The following PCLO variants were observed in gnomAD, a reference collection of about 807,000 sequenced individuals.
PCLO encodes protein piccolo.
PCLO carries 82 observed loss-of-function variants against 427.5 expected under a neutral mutation model. The ratio of observed to expected loss-of-function variants is 0.19; its 90% confidence interval spans 0.16 to 0.23. PCLO has a LOEUF of 0.23. Ranked by LOEUF, PCLO falls within the 10% of genes least tolerant of loss-of-function variation. PCLO has a pLI of 1.00. For missense variants in PCLO, 6,239 were observed against 6,115.9 expected, an observed-to-expected ratio of 1.02 and a Z score of -0.67; for synonymous variants, 2,357 against 2,155.4, an observed-to-expected ratio of 1.09 and a Z score of -2.59.
chr7:83,089,089 C>T (rs1279034666), intron 3 of PCLO, among the ~76,000 whole-genome samples: 1 of 152,062 alleles, frequency 6.6e-6, no homozygotes, highest in African/African-American at 2.4e-5. Flanking sequence ...TAAAATTCTA[C>T]AACCAAAATT....
chr7:82,981,297 T>C (rs543211378), intron 3 of PCLO, among the ~76,000 whole-genome samples: 35 of 149,616 alleles, frequency 2.3e-4, no homozygotes, highest in African/African-American at 7.3e-4. Context: ...AGGCCAGAGT[T>C]AGAGGTAGAA....
At chr7:82,824,461 A>G (rs747809057) in intron 18 of PCLO, 45 bp from the exon 19 acceptor site, 1 of 1,227,762 alleles carries the variant, frequency 8.1e-7, no homozygotes, top group South Asian at 1.4e-5. Flanking sequence ...GGACTAAAGT[A>G]TAATTGATTC....
In PCLO at chr7:82,915,688, A is replaced by G; in HGVS notation, c.12298T>C (p.Ser4100Pro). 3 of 1,612,882 alleles carry G rather than the reference A, an allele frequency of 1.9e-6. No homozygotes were observed. The highest frequency in any genetic ancestry group is 2.5e-6 in the Non-Finnish European group (3 of 1,179,442). The stretch of plus-strand genomic sequence containing the variant: ...ACATAACTATGCAATCTAGAGGAAG[A>G]CTGTAAAGGTGCTAGGAAATCTGTC... ...EVTDFLAPLQ[S>P]SSRLHSYVKA... Residue 4100 changes from serine (S) to proline (P), a missense_variant, in exon 7 of 25, where the codon TCT becomes CCT. Ser to Pro is a moderately conservative substitution (Grantham distance 74). Around this residue, in one of 5 missense-constraint regions of PCLO, gnomAD observed 680 missense variants for 677.3 expected, o/e 1.00. Transcript: ENST00000333891.
At position 82,845,314 on chromosome 7, in the gene PCLO, G is replaced by C. The variant is rs377347584; in HGVS notation, c.14003C>G (p.Pro4668Arg). The C allele has an allele frequency of 6.2e-7, 1 of 1,613,512 alleles. No individual in the cohort carries two copies. Among genetic ancestry groups the C allele is most frequent in the Non-Finnish European group, 8.5e-7 (1 of 1,179,648 alleles). Reference sequence around the variant, plus strand: ...CTTTTTGCTCACTGAGGGGGACCCTGGTTGCCCAGGGCTGGGAACGGAACT... The same window carrying C: ...CTTTTTGCTCACTGAGGGGGACCCTCGTTGCCCAGGGCTGGGAACGGAACT... ...GSSSVPSPGQ[P>R]GSPSVSKKKH... is the part of the protein sequence containing the mutation. The change falls in exon 13 of 25, where the codon CCA becomes CGA. Residue 4668 changes from proline to arginine, a missense_variant. Transcript: ENST00000333891.
chr7:82,773,665 A>G (rs1037878969), intron 22 of PCLO, among the ~76,000 whole-genome samples: 4 of 150,486 alleles, frequency 2.7e-5, no homozygotes, highest in African/African-American at 1.0e-4. Flanking sequence ...GTCATGCTAG[A>G]TGAAAGAGCA....
At chr7:83,144,693 T>G (rs1791949902) in intron 2 of PCLO, among the ~76,000 whole-genome samples, 1 of 152,184 alleles carries the variant, frequency 6.6e-6, no homozygotes, top group Non-Finnish European at 1.5e-5. Flanking sequence ...TCATTGTCAT[T>G]TATTTCCTTC....
intron 3 of PCLO, among the ~76,000 whole-genome samples, chr7:83,027,917 T>TA (rs1788549218): frequency 7.5e-6 from 1 of 134,044 alleles, no homozygotes; most frequent in Non-Finnish European, 1.6e-5. Context: ...CCCTTCATGC[T>TA]AAAAACTCTC....
At chr7:82,842,320 G>A (rs1301632810) in intron 13 of PCLO, among the ~76,000 whole-genome samples, 3 of 151,972 alleles carry the variant, frequency 2.0e-5, no homozygotes, top group Admixed American at 2.0e-4. Flanking sequence ...AATGGTACCA[G>A]GAAAATTGGA....
intron 24 of PCLO, 101 bp downstream of exon 24, chr7:82,760,538 C>A: frequency 2.9e-6 from 2 of 690,262 alleles, no homozygotes; most frequent in South Asian, 7.4e-5. Flanking sequence ...TCTCAAATGT[C>A]ATATAGTGTA....
At position 82,914,775 on chromosome 7, in the gene PCLO, T is replaced by A; in HGVS notation, c.13211A>T (p.His4404Leu). The change falls in exon 7 of 25, where the codon CAC (histidine) becomes CTC (leucine). Residue 4404 changes from histidine (H) to leucine (L), a missense_variant. His to Leu is a moderately conservative substitution (Grantham distance 99). Transcript: ENST00000333891. ...SSHSLPEVQQ[H>L]MREESRTRGY... Reference sequence around the variant, plus strand: ...TCGAGTCCGTGATTCTTCCCTCATGTGTTGCTGAACTTCAGGCAATGAGTG... The same window carrying A: ...TCGAGTCCGTGATTCTTCCCTCATGAGTTGCTGAACTTCAGGCAATGAGTG... 6.2e-7 allele frequency: 1 copy of A among 1,613,486 alleles called. No individual in the cohort carries two copies. Among genetic ancestry groups the A allele is most frequent in the African/African-American group, 1.3e-5 (1 of 75,036 alleles).
Position 83,107,416 on chromosome 7 carries a change from A to T in PCLO, c.3300+26834T>A, listed in dbSNP as rs80012353. On this transcript the variant is annotated intron_variant, in intron 3 of 24. Coordinates refer to ENST00000333891, the MANE Select transcript of PCLO (RefSeq NM_033026.6). ...TGTCAAATGTACAAACTACAATAAC[A>T]TTTGCTTTCTTAGGCCTTAGCTGAG... Among the ~76,000 whole-genome samples the T allele has an allele frequency of 3.4e-3, 515 of 152,166 alleles. 15 individuals carry two copies. The East Asian group carries it at 0.062, about 18-fold the overall frequency.
chr7:82,969,478 A>G (rs949395101), intron 3 of PCLO, among the ~76,000 whole-genome samples: 1 of 151,992 alleles, frequency 6.6e-6, no homozygotes, highest in African/African-American at 2.4e-5. Context: ...AATAATTGCT[A>G]TTTTGCAATT....
In PCLO at chr7:82,760,777, A is replaced by G. The variant is rs1164021267; in HGVS notation, c.15150T>C (p.Tyr5050=). 7 of 1,442,516 alleles carry G rather than the reference A, an allele frequency of 4.9e-6. No homozygotes were observed. Among genetic ancestry groups the G allele is most frequent in the Non-Finnish European group, 6.7e-6 (7 of 1,046,346 alleles). 89.4% of individuals were successfully genotyped at this position (1,442,516 alleles called of 1,614,324 possible). A position where few individuals can be genotyped will look rare whatever the true frequency, so the allele number is the denominator to read the frequency against. The change falls in exon 24 of 25, where the codon TAT becomes TAC. Residue 5050 remains tyrosine (Y), a synonymous_variant. Coordinates refer to ENST00000333891, the MANE Select transcript of PCLO (RefSeq NM_033026.6). ...AAATATTCATCACATATATTTTCACATATAAATCTGAAAATAAGAATTCAG... is the reference window on the plus strand; with the variant it reads ...AAATATTCATCACATATATTTTCACGTATAAATCTGAAAATAAGAATTCAG... ...FKSPDHLPDL[Y]VKIYVMNIST...
intron 22 of PCLO, among the ~76,000 whole-genome samples, chr7:82,770,109 T>C (rs1790618298): frequency 6.6e-6 from 1 of 152,096 alleles, no homozygotes; most frequent in Non-Finnish European, 1.5e-5. Context: ...GTTTCTATTC[T>C]ACCAGTTTCA....
At position 82,879,429 on chromosome 7, in the gene PCLO, T is replaced by C; in HGVS notation, c.13562A>G (p.Lys4521Arg). 6.2e-7 allele frequency: 1 copy of C among 1,606,312 alleles called. No individual in the cohort carries two copies. The highest frequency in any genetic ancestry group is 8.5e-7 in the Non-Finnish European group (1 of 1,174,114). ...TTCTCCACTATGTCCCGGGATTTCT[T>C]TACCACCCACAATTCTAATTCCTAA... ...NGLGIRIVGG[K>R]EIPGHSGEIG... The change falls in exon 10 of 25, where the codon AAA (lysine) becomes AGA (arginine). Residue 4521 changes from lysine (K) to arginine (R), a missense_variant. Lys to Arg is a conservative substitution (Grantham distance 26). Transcript: ENST00000333891.
chr7:83,156,430 A>T (rs762660553), intron 1 of PCLO, 38 bp from the exon 2 acceptor site: 1 of 1,220,920 alleles, frequency 8.2e-7, no homozygotes, highest in South Asian at 1.6e-5. Flanking sequence ...ATCAAGTGAA[A>T]ATAATGGAAA....
chr7:82,929,339 G>A (rs1001374498), intron 6 of PCLO, among the ~76,000 whole-genome samples: 2 of 152,070 alleles, frequency 1.3e-5, no homozygotes, highest in Admixed American at 1.3e-4. Flanking sequence ...TTCAGATACT[G>A]AAATATAGAG....
chr7:82,772,683 A>G (rs1790671424), intron 22 of PCLO, among the ~76,000 whole-genome samples: 1 of 152,144 alleles, frequency 6.6e-6, no homozygotes, highest in African/African-American at 2.4e-5. Context: ...AGATAAAGCC[A>G]GAAAGAACAC....
chr7:83,072,985 C>T (rs1789857728), intron 3 of PCLO, among the ~76,000 whole-genome samples: 1 of 151,916 alleles, frequency 6.6e-6, no homozygotes, highest in African/African-American at 2.4e-5. Flanking sequence ...TCTCCCTCTC[C>T]CTTCCCTCTG....
Sources: allele counts gnomAD v4.1 joint callset (sites outside exome capture counted in the v4.1 genomes callset), GRCh38; gene constraint gnomAD v4.1.1; regional missense constraint gnomAD v4.1.1; transcripts MANE v1.5; gene names NCBI Gene and HGNC (gene_info 2026-07-23, HGNC 2026-07-21).